Variants in EXOC6B observed in about 807,000 individuals in gnomAD.
EXOC6B encodes the protein exocyst complex component 6B.
EXOC6B carries 54 observed loss-of-function variants against 113.5 expected under a neutral mutation model. The ratio of observed to expected loss-of-function variants is 0.48; its 90% CI spans 0.38 to 0.60. The LOEUF is 0.60. Ranked by LOEUF, EXOC6B falls within the 20% of genes least tolerant of loss-of-function variation. The probability of loss-of-function intolerance (pLI) is 0.00; values close to 1 mark genes in which losing one functional copy is unlikely to be tolerated. For missense variants in EXOC6B, 797 were observed against 977.5 expected (o/e 0.82, Z 2.46); for synonymous variants, 357 against 339.0 (o/e 1.05, Z -0.58).
intron 20 of EXOC6B, among the ~76,000 whole-genome samples, chr2:72,216,400 C>T (rs1386273529): frequency 1.3e-5 from 2 of 152,144 alleles, no homozygotes; most frequent in Non-Finnish European, 2.9e-5. Flanking sequence ...AAAGTCAAAA[C>T]AACAGATGCT....
At chr2:72,314,992 A>G (rs2104805493) in intron 20 of EXOC6B, among the ~76,000 whole-genome samples, 1 of 152,352 alleles carries the variant, frequency 6.6e-6, no homozygotes, top group South Asian at 2.1e-4. Flanking sequence ...TGTAGAGTAT[A>G]CTACAAGATG....
intron 18 of EXOC6B, among the ~76,000 whole-genome samples, chr2:72,409,975 C>T (rs904200924): frequency 6.6e-6 from 1 of 152,156 alleles, no homozygotes; most frequent in South Asian, 2.1e-4. Context: ...GGGATGCCGT[C>T]GTTCCCCCAC....
chr2:72,693,287 GT>G (rs563080296), intron 6 of EXOC6B, among the ~76,000 whole-genome samples: 5,685 of 146,840 alleles, frequency 0.039, 321 homozygotes, highest in African/African-American at 0.13. Context: ...AGGTTTGCAG[GT>G]TTTTTTTTTT....
intron 20 of EXOC6B, among the ~76,000 whole-genome samples, chr2:72,284,143 A>T (rs1685287838): frequency 1.3e-5 from 2 of 152,134 alleles, no homozygotes; most frequent in South Asian, 4.1e-4. Flanking sequence ...GGCCAGCATT[A>T]CCCTAATATC....
rs186194536 is a variant in EXOC6B at position 72,370,045 on chromosome 2, A to T, written c.2122+9684T>A. 6.8e-3 allele frequency among the ~76,000 whole-genome samples: 1,036 copies of T among 152,356 alleles called. 8 individuals are homozygous for T. Among genetic ancestry groups the T allele is most frequent in the African/African-American group, 0.024 (980 of 41,576 alleles). On this transcript the variant is annotated intron_variant, in intron 19 of 21. Coordinates refer to ENST00000272427, the MANE Select transcript of EXOC6B (RefSeq NM_015189.3). Reference sequence around the variant, plus strand: ...TTAAACTAAAGAGCTTCTGCACAGCAAAAGGAACTAACATCAGAGTGAACA... The same window carrying T: ...TTAAACTAAAGAGCTTCTGCACAGCTAAAGGAACTAACATCAGAGTGAACA...
chr2:72,291,358 G>T (rs13432350), intron 20 of EXOC6B, among the ~76,000 whole-genome samples: 63,064 of 152,036 alleles, frequency 0.41, 18,821 homozygotes, highest in African/African-American at 0.85. Flanking sequence ...CTGCCATGTC[G>T]GACTGAGAAA....
At chr2:72,804,658 C>T (rs750759322) in intron 1 of EXOC6B, among the ~76,000 whole-genome samples, 2 of 151,842 alleles carry the variant, frequency 1.3e-5, no homozygotes, top group Admixed American at 6.6e-5. Flanking sequence ...TACAATGGCA[C>T]GATCTCAGCT....
At chr2:72,645,472 A>T (rs988091362) in intron 6 of EXOC6B, among the ~76,000 whole-genome samples, 1 of 152,218 alleles carries the variant, frequency 6.6e-6, no homozygotes, top group Non-Finnish European at 1.5e-5. Context: ...TCCACCCCAA[A>T]TGAGCAGAAT....
chr2:72,412,086 C>T (rs1217308301), intron 18 of EXOC6B, among the ~76,000 whole-genome samples: 3 of 151,820 alleles, frequency 2.0e-5, no homozygotes, highest in Admixed American at 6.6e-5. Context: ...ATGGCATAAA[C>T]AGTAGATTGG....
At chr2:72,434,031 G>A (rs933627059) in intron 18 of EXOC6B, among the ~76,000 whole-genome samples, 1 of 152,124 alleles carries the variant, frequency 6.6e-6, no homozygotes, top group Non-Finnish European at 1.5e-5. Context: ...TATGATATTG[G>A]CTGTGGGTTT....
chr2:72,334,360 T>C (rs568775682), intron 20 of EXOC6B, among the ~76,000 whole-genome samples: 85 of 152,196 alleles, frequency 5.6e-4, no homozygotes, highest in African/African-American at 2.0e-3. Flanking sequence ...TTTCATCACA[T>C]TACTTTAATA....
intron 20 of EXOC6B, among the ~76,000 whole-genome samples, chr2:72,217,639 T>C (rs966897734): frequency 6.6e-6 from 1 of 152,150 alleles, no homozygotes; most frequent in Non-Finnish European, 1.5e-5. Flanking sequence ...TGAATTTACC[T>C]TCAGAGGGCC....
chr2:72,427,472 A>T (rs1158417302), intron 18 of EXOC6B, among the ~76,000 whole-genome samples: 1 of 152,106 alleles, frequency 6.6e-6, no homozygotes, highest in East Asian at 1.9e-4. Context: ...CCCATCTCGG[A>T]GCAGGGTTGG....
At chr2:72,323,843 G>A (rs1687982434) in intron 20 of EXOC6B, among the ~76,000 whole-genome samples, 1 of 151,802 alleles carries the variant, frequency 6.6e-6, no homozygotes, top group South Asian at 2.1e-4. Flanking sequence ...TGGGGGTGGG[G>A]GGCTAGGGGA....
rs555775799 is a variant in EXOC6B at position 72,196,666 on chromosome 2, G to C, written c.2197-12479C>G. On this transcript the variant is annotated intron_variant, in intron 20 of 21. Transcript: ENST00000272427. ...ATCCATAAACTTCAAATTTCAAAAG[G>C]GTTCTGCCTCCCAAACATTTTGTTA... Among the ~76,000 whole-genome samples the C allele has an allele frequency of 3.3e-5, 5 of 152,176 alleles. No individual in the cohort carries two copies. The East Asian group carries it at 9.6e-4, about 29-fold the overall frequency.
intron 6 of EXOC6B, among the ~76,000 whole-genome samples, chr2:72,656,977 A>C (rs564706763): frequency 4.5e-4 from 68 of 151,520 alleles, no homozygotes; most frequent in African/African-American, 1.6e-3. Flanking sequence ...TCAGCCTCCC[A>C]AGTAGCTGGG....
intron 20 of EXOC6B, among the ~76,000 whole-genome samples, chr2:72,199,297 T>C (rs1239944557): frequency 6.6e-6 from 1 of 152,146 alleles, no homozygotes; most frequent in Non-Finnish European, 1.5e-5. Flanking sequence ...TCCAGGATCC[T>C]CAAAGGCAAT....
At chr2:72,671,799 G>GAA (rs1159476731) in intron 6 of EXOC6B, among the ~76,000 whole-genome samples, 19 of 117,698 alleles carry the variant, frequency 1.6e-4, no homozygotes, top group Middle Eastern at 8.7e-3. Flanking sequence ...AAGAAAGAAA[G>GAA]AAAGAAAGAA....
intron 20 of EXOC6B, among the ~76,000 whole-genome samples, chr2:72,194,597 C>CTCTCTCTCTCTCTCTCTG (rs747161190): frequency 3.4e-5 from 5 of 147,406 alleles, no homozygotes; most frequent in African/African-American, 1.2e-4. Flanking sequence ...CTCTCTCTCT[C>CTCTCTCTCTCTCTCTCTG]TGTGTGTGTG....
Sources: allele counts gnomAD v4.1 joint callset (sites outside exome capture counted in the v4.1 genomes callset), GRCh38; gene constraint gnomAD v4.1.1; transcripts MANE v1.5; gene names NCBI Gene and HGNC (gene_info 2026-07-23, HGNC 2026-07-21).